Variants in NUDT13 observed in about 807,000 individuals in gnomAD.
NUDT13 encodes nudix hydrolase 13, also known as NAD(P)H pyrophosphatase NUDT13, mitochondrial.
NUDT13 carries 40 observed loss-of-function variants against 41.7 expected under a neutral mutation model. The observed-to-expected ratio is 0.96, with a 90% CI of 0.75 to 1.25. NUDT13 has a LOEUF of 1.25. Ranked by LOEUF, NUDT13 falls within the 50% of genes most tolerant of loss-of-function variation. The pLI is 0.00. For missense variants in NUDT13, 390 were observed against 416.1 expected (o/e 0.94, Z 0.55); for synonymous variants, 145 against 155.5 (o/e 0.93, Z 0.50).
chr10:73,118,273 G>A (rs989128419), intron 2 of NUDT13, among the ~76,000 whole-genome samples: 1 of 152,152 alleles, frequency 6.6e-6, no homozygotes, highest in African/African-American at 2.4e-5. Flanking sequence ...AGAGCTCATC[G>A]TAACCCCTTT....
In NUDT13 at chr10:73,125,507, T is replaced by C. The variant is rs201753354; in HGVS notation, c.701T>C (p.Ile234Thr). The C allele has an allele frequency of 1.9e-4, 298 of 1,583,128 alleles. No homozygotes were observed. The highest frequency in any genetic ancestry group is 2.5e-4 in the Non-Finnish European group (289 of 1,162,992). The change falls in exon 7 of 9, where the codon ATA (isoleucine) becomes ACA (threonine). Residue 234 changes from isoleucine (I) to threonine (T), a missense_variant and splice_region_variant. By Grantham distance (89) the Ile-to-Thr change is moderately conservative. Coordinates refer to ENST00000357321, the MANE Select transcript of NUDT13 (RefSeq NM_015901.6). ...TCTGCCTTGGCAGGTTTTTGTGATATAGGTGAGGAGTTTAGGGGATATACA... is the reference window on the plus strand; with the variant it reads ...TCTGCCTTGGCAGGTTTTTGTGATACAGGTGAGGAGTTTAGGGGATATACA... ...MYSALAGFCD[I>T]GESVEETIRR...
rs186195270 is a variant in NUDT13, at chr10:73,130,559, G to C, written c.859-144G>C. Reference sequence around the variant, plus strand: ...CTCTTTTGCTTCTGGGCAGTATCTAGAACTGACTTTCACCTAACCTGAAGA... The same window carrying C: ...CTCTTTTGCTTCTGGGCAGTATCTACAACTGACTTTCACCTAACCTGAAGA... On this transcript the variant is annotated intron_variant, in intron 8 of 8. Transcript: ENST00000357321. The C allele has an allele frequency of 5.5e-5, 35 of 631,798 alleles. No individual in the cohort carries two copies. In the East Asian group the frequency reaches 6.1e-4, roughly 11 times the overall value. 39.1% of individuals were successfully genotyped at this position (631,798 alleles called of 1,614,324 possible).
At chr10:73,122,085 A>G in intron 3 of NUDT13, 90 bp from the exon 4 acceptor site, 4 of 1,421,408 alleles carry the variant, frequency 2.8e-6, no homozygotes, top group East Asian at 4.7e-5. Flanking sequence ...AAGCTGAAGT[A>G]GATGATTTTC....
chr10:73,130,001 T>C, intron 8 of NUDT13, among the ~76,000 whole-genome samples: 1 of 151,898 alleles, frequency 6.6e-6, no homozygotes, highest in East Asian at 1.9e-4. Context: ...AAGTAATATT[T>C]GTATGTTCTT....
In NUDT13 at chr10:73,131,194, C is replaced by T. The variant is rs891273774; in HGVS notation, c.*291C>T. The T allele has an allele frequency of 2.4e-5, 7 of 291,664 alleles. No homozygotes were observed. The South Asian group carries it at 3.2e-4, about 13-fold the overall frequency. 18.1% of individuals were successfully genotyped at this position (291,664 alleles called of 1,614,324 possible). The stretch of plus-strand genomic sequence containing the variant: ...ATGTAGGCCCTTGTTCAGTCATTTT[C>T]TCTAAGGCCTTGGAAGCAAACATCT... On this transcript the variant is annotated 3_prime_UTR_variant, in exon 9 of 9. Transcript: ENST00000357321.
At chr10:73,117,481 C>T (rs899337818) in intron 2 of NUDT13, among the ~76,000 whole-genome samples, 1 of 148,922 alleles carries the variant, frequency 6.7e-6, no homozygotes, top group South Asian at 2.1e-4. Flanking sequence ...CACTTGGACC[C>T]GGGAGGCAGA....
In NUDT13 at chr10:73,123,477, T is replaced by G. The variant is rs181966494; in HGVS notation, c.359-737T>G. On this transcript the variant is annotated intron_variant, in intron 4 of 8. Transcript: ENST00000357321. ...TTTTCCACGGATAAGCTAATGCAAA[T>G]GTTCTTGCCCCGAAGAAGATCTTGA... Among the ~76,000 whole-genome samples, 16 of 152,192 alleles carry G rather than the reference T, an allele frequency of 1.1e-4. No individual in the cohort carries two copies. In the East Asian group the frequency reaches 3.1e-3, roughly 29 times the overall value.
rs1322556284 is a variant in NUDT13 at position 73,122,169 on chromosome 10, T to C, written c.224-6T>C. The C allele has an allele frequency of 6.2e-7, 1 of 1,611,750 alleles. No individual in the cohort carries two copies. Among genetic ancestry groups the C allele is most frequent in the South Asian group, 1.1e-5 (1 of 90,648 alleles). On this transcript the variant is annotated splice_region_variant and splice_polypyrimidine_tract_variant and intron_variant, in intron 3 of 8. Transcript: ENST00000357321. Reference sequence around the variant, plus strand: ...GCTTTTCTCCCTTCCCCTTTCTGTTTCTTAGAGTTGGAAAGGCTCCTGGGT... The same window carrying C: ...GCTTTTCTCCCTTCCCCTTTCTGTTCCTTAGAGTTGGAAAGGCTCCTGGGT...
rs1186213651 is a variant in NUDT13 at position 73,126,711 on chromosome 10, G to A, written c.742G>A (p.Glu248Lys). The change falls in exon 8 of 9, where the codon GAA becomes AAA. Residue 248 changes from glutamate (E) to lysine (K), a missense_variant. By Grantham distance (56) the Glu-to-Lys change is moderately conservative (BLOSUM62 1). Transcript: ENST00000357321. ...AGAGACCATCCGCCGAGAAGTTGCA[G>A]AAGAGGTGGGATTGGAGGTGGAAAG... ...VEETIRREVAEEVGLEVESLQ... is the reference protein window; with the variant it reads ...VEETIRREVAKEVGLEVESLQ... 1 of 1,614,188 alleles carries A rather than the reference G, an allele frequency of 6.2e-7. No homozygotes were observed. Among genetic ancestry groups the A allele is most frequent in the African/African-American group, 1.3e-5 (1 of 75,052 alleles).
rs540778129 is a variant in NUDT13 at position 73,126,518 on chromosome 10, G to C, written c.704-155G>C. ...TGGTTCAACACACAGCTCTGGACCTGATTCTTATTGTTGGAATGACTCAGA... is the reference window on the plus strand; with the variant it reads ...TGGTTCAACACACAGCTCTGGACCTCATTCTTATTGTTGGAATGACTCAGA... On this transcript the variant is annotated intron_variant, in intron 7 of 8. Coordinates refer to ENST00000357321, the MANE Select transcript of NUDT13 (RefSeq NM_015901.6). The C allele has an allele frequency of 5.2e-6, 4 of 764,500 alleles. No individual in the cohort carries two copies. In the African/African-American group the frequency reaches 7.0e-5, roughly 13 times the overall value. The allele number at this position is 764,500 out of a possible 1,614,324, so 47.4% of individuals were successfully genotyped here.
In NUDT13 at chr10:73,114,353, T is replaced by A. The variant is rs1250803011; in HGVS notation, c.-9-4T>A. 2.5e-5 allele frequency: 36 copies of A among 1,412,560 alleles called. No individual in the cohort carries two copies. Among genetic ancestry groups the A allele is most frequent in the Admixed American group, 6.4e-5 (3 of 47,086 alleles). 87.5% of individuals were successfully genotyped at this position (1,412,560 alleles called of 1,614,324 possible). Reference sequence around the variant, plus strand: ...TTTTAAAACTCCTTTTTTTTTTTTTTAAGGACCTGACAATGTCCCTGTATT... The same window carrying A: ...TTTTAAAACTCCTTTTTTTTTTTTTAAAGGACCTGACAATGTCCCTGTATT... On this transcript the variant is annotated splice_region_variant and splice_polypyrimidine_tract_variant and intron_variant, in intron 1 of 8. Transcript: ENST00000357321.
At position 73,130,784 on chromosome 10, in the gene NUDT13, C is replaced by G. The variant is rs775249630; in HGVS notation, c.940C>G (p.Pro314Ala). The G allele has an allele frequency of 1.2e-6, 2 of 1,613,608 alleles. No homozygotes were observed. Among genetic ancestry groups the G allele is most frequent in the Non-Finnish European group, 1.7e-6 (2 of 1,179,844 alleles). Residue 314 changes from proline (P) to alanine (A), a missense_variant, in exon 9 of 9, where the codon CCC becomes GCC. By Grantham distance (27) the Pro-to-Ala change is conservative. Transcript: ENST00000357321. ...EVATALKRKG[P>A]YTQQQNGTFP... ...AGCCACAGCCCTGAAGAGAAAGGGCCCCTATACTCAGCAACAGAATGGGAC... is the reference window on the plus strand; with the variant it reads ...AGCCACAGCCCTGAAGAGAAAGGGCGCCTATACTCAGCAACAGAATGGGAC...
intron 3 of NUDT13, among the ~76,000 whole-genome samples, chr10:73,121,116 G>A (rs1225073524): frequency 1.3e-5 from 2 of 152,134 alleles, no homozygotes; most frequent in Non-Finnish European, 2.9e-5. Flanking sequence ...GCTCATGCCT[G>A]TAATCCCAGC....
rs906129219 is a variant in NUDT13, at chr10:73,124,975, T to G, written c.466-143T>G. The G allele has an allele frequency of 5.5e-6, 5 of 913,600 alleles. No homozygotes were observed. The African/African-American group carries it at 6.7e-5, about 12-fold the overall frequency. 56.6% of individuals were successfully genotyped at this position (913,600 alleles called of 1,614,324 possible). On this transcript the variant is annotated intron_variant, in intron 5 of 8. Coordinates refer to ENST00000357321, the MANE Select transcript of NUDT13 (RefSeq NM_015901.6). ...TCAGTTAGTTTACTTGTCCTGAAATTTAAACAGTAACCATTTAAATTACGT... is the reference window on the plus strand; with the variant it reads ...TCAGTTAGTTTACTTGTCCTGAAATGTAAACAGTAACCATTTAAATTACGT...
chr10:73,118,849 G>A lies in NUDT13; in HGVS notation c.84-1169G>A, dbSNP rs149440513. ...TAGCTGGGCATGGTGGGGCATGCCT[G>A]TAATCCCAGGTACTCGGGAGGCTGA... On this transcript the variant is annotated intron_variant, in intron 2 of 8. Transcript: ENST00000357321. Among the ~76,000 whole-genome samples, 59 of 151,836 alleles carry A rather than the reference G, an allele frequency of 3.9e-4. 1 individual carries two copies. In the East Asian group the frequency reaches 6.9e-3, roughly 18 times the overall value.
At chr10:73,122,621 G>T (rs1162018782) in intron 4 of NUDT13, among the ~76,000 whole-genome samples, 1 of 151,914 alleles carries the variant, frequency 6.6e-6, no homozygotes, top group Non-Finnish European at 1.5e-5. Flanking sequence ...ACCCAGGCTG[G>T]AGTGCAGTGG....
intron 3 of NUDT13, among the ~76,000 whole-genome samples, chr10:73,120,613 C>T (rs768708483): frequency 6.6e-6 from 1 of 152,098 alleles, no homozygotes; most frequent in Non-Finnish European, 1.5e-5. Flanking sequence ...TGAATTCCAG[C>T]CTCCACAGAG....
chr10:73,117,601 T>C (rs1020737170), intron 2 of NUDT13, among the ~76,000 whole-genome samples: 3 of 150,292 alleles, frequency 2.0e-5, no homozygotes, highest in Non-Finnish European at 1.5e-5. Context: ...ATAAAGAATA[T>C]GATGTGAAAA....
intron 4 of NUDT13, 53 bp downstream of exon 4, chr10:73,122,362 A>G: frequency 6.7e-7 from 1 of 1,501,416 alleles, no homozygotes; most frequent in Non-Finnish European, 9.0e-7. Flanking sequence ...AGAATTTGGG[A>G]TTTCACATAA....
Sources: gnomAD v4.1 joint callset for allele counts (sites outside exome capture counted in the v4.1 genomes callset) on GRCh38, gnomAD v4.1.1 for gene constraint, MANE v1.5 for transcripts, NCBI Gene and HGNC (gene_info 2026-07-23, HGNC 2026-07-21) for gene names.